Variants in PPFIA2 observed in about 807,000 individuals in gnomAD.
PPFIA2 encodes the protein liprin-alpha-2.
In PPFIA2, 46 loss-of-function variants were observed where a neutral mutation model predicts 175.5. That is an observed-to-expected ratio of 0.26 (90% CI 0.21 to 0.34). PPFIA2 has a LOEUF of 0.34. Among genes scored for constraint, PPFIA2 ranks in the 10% least tolerant of loss-of-function variants. The pLI, the probability that PPFIA2 is intolerant of heterozygous loss-of-function variation, is 1.00. For synonymous variants in PPFIA2, 568 were observed against 511.4 expected (o/e 1.11, Z -1.49); for missense variants, 1,179 against 1,506.1 (o/e 0.78, Z 3.60).
intron 3 of PPFIA2, among the ~76,000 whole-genome samples, chr12:81,690,195 T>C (rs1184132417): frequency 2.0e-5 from 3 of 152,110 alleles, no homozygotes; most frequent in South Asian, 2.1e-4. Context: ...GCAGTGGCTA[T>C]GTAACACAAT....
chr12:81,594,064 G>A (rs1317208), intron 4 of PPFIA2, among the ~76,000 whole-genome samples: 55,406 of 151,758 alleles, frequency 0.37, 10,633 homozygotes, highest in Middle Eastern at 0.44. Flanking sequence ...GAACCCTATC[G>A]TGAACTGTGC....
chr12:81,570,163 T>C (rs2072230309), intron 4 of PPFIA2, among the ~76,000 whole-genome samples: 1 of 152,246 alleles, frequency 6.6e-6, no homozygotes, highest in Non-Finnish European at 1.5e-5. Flanking sequence ...ACATCATATA[T>C]ATTATCTTGG....
intron 3 of PPFIA2, among the ~76,000 whole-genome samples, chr12:81,689,991 C>G (rs1410620631): frequency 1.3e-5 from 2 of 152,086 alleles, no homozygotes; most frequent in Non-Finnish European, 2.9e-5. Context: ...CTGTCTTTAC[C>G]TTGCATGGCT....
At chr12:81,470,762 A>G (rs1411631038) in intron 4 of PPFIA2, among the ~76,000 whole-genome samples, 1 of 152,228 alleles carries the variant, frequency 6.6e-6, no homozygotes, top group Non-Finnish European at 1.5e-5. Context: ...AAGAACATTT[A>G]ACATGATATC....
chr12:81,422,065 CGTGTGT>C (rs951778104), intron 7 of PPFIA2, among the ~76,000 whole-genome samples: 18 of 132,796 alleles, frequency 1.4e-4, no homozygotes, highest in Admixed American at 1.2e-3. Context: ...TATATATATA[CGTGTGT>C]GTGTGTATAT....
At chr12:81,617,786 G>A (rs1567590523) in intron 4 of PPFIA2, among the ~76,000 whole-genome samples, 1 of 152,166 alleles carries the variant, frequency 6.6e-6, no homozygotes, top group Non-Finnish European at 1.5e-5. Context: ...GCTATAAGTT[G>A]CACACTATTC....
intron 4 of PPFIA2, among the ~76,000 whole-genome samples, chr12:81,633,502 A>G (rs1204910589): frequency 6.6e-6 from 1 of 151,952 alleles, no homozygotes; most frequent in Non-Finnish European, 1.5e-5. Context: ...GACCCAGGCA[A>G]GACAACTGCA....
chr12:81,315,349 T>C (rs954377487), intron 22 of PPFIA2, among the ~76,000 whole-genome samples: 10 of 151,842 alleles, frequency 6.6e-5, no homozygotes, highest in African/African-American at 9.7e-5. Context: ...TTGGGTGTGG[T>C]TGTTATATGT....
At chr12:81,714,431 T>C (rs2078328388) in intron 3 of PPFIA2, among the ~76,000 whole-genome samples, 1 of 151,052 alleles carries the variant, frequency 6.6e-6, no homozygotes, top group African/African-American at 2.4e-5. Flanking sequence ...GGTATTCAAG[T>C]TATAAACATT....
chr12:81,599,177 C>T (rs2059549471), intron 4 of PPFIA2, among the ~76,000 whole-genome samples: 1 of 151,822 alleles, frequency 6.6e-6, no homozygotes, highest in Admixed American at 6.6e-5. Flanking sequence ...GTGGAGACTT[C>T]AGTAGGATAG....
chr12:81,531,477 G>A (rs1380353120), intron 4 of PPFIA2, among the ~76,000 whole-genome samples: 1 of 151,522 alleles, frequency 6.6e-6, no homozygotes, highest in Non-Finnish European at 1.5e-5. Flanking sequence ...TAAAGCTTAC[G>A]TGGAATGCTG....
chr12:81,386,527 T>C (rs963284914), intron 8 of PPFIA2, among the ~76,000 whole-genome samples: 3 of 151,278 alleles, frequency 2.0e-5, no homozygotes, highest in African/African-American at 7.3e-5. Flanking sequence ...GAGGCAGAGG[T>C]GGGCGGGTTG....
At chr12:81,661,432 A>C (rs2068847825) in intron 4 of PPFIA2, among the ~76,000 whole-genome samples, 1 of 152,178 alleles carries the variant, frequency 6.6e-6, no homozygotes, top group African/African-American at 2.4e-5. Context: ...TAAACCAACA[A>C]AGATCAAAAG....
intron 3 of PPFIA2, among the ~76,000 whole-genome samples, chr12:81,721,440 C>A (rs2079319772): frequency 1.3e-5 from 2 of 148,780 alleles, no homozygotes; most frequent in African/African-American, 4.9e-5. Context: ...ACACCTAATA[C>A]ACACACACAT....
chr12:81,259,042 C>CTATT lies in PPFIA2; in HGVS notation c.*648_*651dup, dbSNP rs1284034563. 6.1e-6 allele frequency: 1 copy of CTATT among 162,694 alleles called. No homozygotes were observed. The highest frequency in any genetic ancestry group is 1.3e-5 in the Non-Finnish European group (1 of 75,402). The allele number at this position is 162,694 out of a possible 1,614,324, so 10.1% of individuals were successfully genotyped here. ...GACATCCCTGATTGCCTTTAAAGCTCTATTTTTGGCTCCGGTTCCAGGTTA... is the reference window on the plus strand; with the variant it reads ...GACATCCCTGATTGCCTTTAAAGCTCTATTTATTTTTGGCTCCGGTTCCAGGTTA... On this transcript the variant is annotated 3_prime_UTR_variant, in exon 33 of 33. Coordinates refer to ENST00000549396, the MANE Select transcript of PPFIA2 (RefSeq NM_003625.5).
At position 81,572,102 on chromosome 12, in the gene PPFIA2, G is replaced by T. The variant is rs377198046; in HGVS notation, c.303+104689C>A. ...TTGTCACTCTGCTACAGCCATGCTG[G>T]TCTCCTTGCTTTGTTAGGACATGTC... On this transcript the variant is annotated intron_variant, in intron 4 of 32. Transcript: ENST00000549396. Among the ~76,000 whole-genome samples the T allele has an allele frequency of 1.4e-4, 21 of 152,162 alleles. No individual in the cohort carries two copies. The East Asian group carries it at 1.9e-3, about 14-fold the overall frequency.
intron 4 of PPFIA2, among the ~76,000 whole-genome samples, chr12:81,470,735 GT>G (rs1267717531): frequency 6.6e-6 from 1 of 152,014 alleles, no homozygotes; most frequent in African/African-American, 2.4e-5. Flanking sequence ...ATTTCATATC[GT>G]TTTATTTTCT....
At chr12:81,604,065 G>A (rs2060053088) in intron 4 of PPFIA2, among the ~76,000 whole-genome samples, 2 of 151,670 alleles carry the variant, frequency 1.3e-5, no homozygotes, top group Admixed American at 1.3e-4. Flanking sequence ...AGGAGAGGTA[G>A]TTAAGTAGCA....
At chr12:81,582,712 G>T (rs1039606197) in intron 4 of PPFIA2, among the ~76,000 whole-genome samples, 9 of 151,446 alleles carry the variant, frequency 5.9e-5, no homozygotes, top group Non-Finnish European at 1.0e-4. Flanking sequence ...CTTTATTTCA[G>T]TTACAATATT....
Sources: allele counts gnomAD v4.1 joint callset (sites outside exome capture counted in the v4.1 genomes callset), GRCh38; gene constraint gnomAD v4.1.1; transcripts MANE v1.5; gene names NCBI Gene and HGNC (gene_info 2026-07-23, HGNC 2026-07-21).